THSD7B: variants seen among roughly 807,000 people sequenced by gnomAD.
THSD7B encodes thrombospondin type-1 domain-containing protein 7B.
Under a neutral mutation model 213.6 loss-of-function variants are expected in THSD7B, and 138 were observed. The ratio of observed to expected loss-of-function variants is 0.65; its 90% CI spans 0.56 to 0.74. THSD7B has a LOEUF of 0.74. Among genes scored for constraint, THSD7B ranks in the 30% least tolerant of loss-of-function variants. THSD7B has a pLI of 0.00. For synonymous variants in THSD7B, 742 were observed against 687.0 expected (o/e 1.08, Z -1.25); for missense variants, 1,931 against 1,991.5 (o/e 0.97, Z 0.58).
chr2:137,068,599 C>T (rs944706916), intron 3 of THSD7B, among the ~76,000 whole-genome samples: 4 of 151,980 alleles, frequency 2.6e-5, no homozygotes, highest in Admixed American at 1.3e-4. Context: ...TGACATTTTT[C>T]GTGTGTGTAT....
At chr2:137,229,580 G>A (rs1290342170) in intron 7 of THSD7B, among the ~76,000 whole-genome samples, 3 of 152,136 alleles carry the variant, frequency 2.0e-5, no homozygotes, top group African/African-American at 2.4e-5. Context: ...TCTCCTTCAG[G>A]CAGTCTTGCT....
intron 15 of THSD7B, among the ~76,000 whole-genome samples, chr2:137,535,392 T>A (rs1680485548): frequency 6.6e-6 from 1 of 151,790 alleles, no homozygotes; most frequent in South Asian, 2.1e-4. Flanking sequence ...AGGTAATGAA[T>A]AAATTGGATT....
intron 5 of THSD7B, among the ~76,000 whole-genome samples, chr2:137,159,429 A>G (rs942150066): frequency 6.6e-6 from 1 of 151,056 alleles, no homozygotes; most frequent in African/African-American, 2.4e-5. Context: ...CCCTGTCTCA[A>G]AAAAAAATTA....
intron 2 of THSD7B, among the ~76,000 whole-genome samples, chr2:136,919,647 G>A (rs1241374473): frequency 6.6e-6 from 1 of 152,184 alleles, no homozygotes; most frequent in Non-Finnish European, 1.5e-5. Flanking sequence ...AACCTCTGTG[G>A]CCAGTGGCAC....
chr2:137,115,696 T>C (rs1558926495), intron 5 of THSD7B, among the ~76,000 whole-genome samples: 2 of 152,222 alleles, frequency 1.3e-5, no homozygotes, highest in Non-Finnish European at 2.9e-5. Flanking sequence ...TGCAAACATA[T>C]TCCTTTCAAA....
chr2:137,405,882 C>G, intron 13 of THSD7B, 75 bp downstream of exon 13: 1 of 1,353,542 alleles, frequency 7.4e-7, no homozygotes, highest in Non-Finnish European at 9.9e-7. Context: ...ATATGAGGTC[C>G]AAAGGACAGG....
chr2:137,245,909 G>A (rs182388487), intron 10 of THSD7B, among the ~76,000 whole-genome samples: 3 of 152,308 alleles, frequency 2.0e-5, no homozygotes, highest in East Asian at 3.9e-4. Context: ...ATTAATTGCA[G>A]ATTCTAATTC....
chr2:137,624,082 A>G (rs1169632881), intron 20 of THSD7B, among the ~76,000 whole-genome samples: 3 of 152,238 alleles, frequency 2.0e-5, no homozygotes, highest in East Asian at 1.9e-4. Flanking sequence ...AAACTATACT[A>G]CAAGGCTACA....
At chr2:137,574,850 C>A (rs1292510292) in intron 17 of THSD7B, among the ~76,000 whole-genome samples, 3 of 152,094 alleles carry the variant, frequency 2.0e-5, no homozygotes, top group African/African-American at 7.2e-5. Flanking sequence ...CAAACTAAAT[C>A]ATTGTGCCTG....
chr2:137,460,753 A>T (rs12619413), intron 15 of THSD7B, among the ~76,000 whole-genome samples: 14,367 of 152,128 alleles, frequency 0.094, 1,507 homozygotes, highest in African/African-American at 0.26. Context: ...CATTAGGTAC[A>T]CAACTCTATG....
At chr2:137,035,466 A>G (rs1220404606) in intron 2 of THSD7B, among the ~76,000 whole-genome samples, 2 of 152,158 alleles carry the variant, frequency 1.3e-5, no homozygotes, top group African/African-American at 4.8e-5. Context: ...GAGATATGTC[A>G]TAACATTTTT....
intron 2 of THSD7B, among the ~76,000 whole-genome samples, chr2:136,986,089 T>G (rs1685668249): frequency 6.6e-6 from 1 of 152,196 alleles, no homozygotes; most frequent in African/African-American, 2.4e-5. Context: ...AAATAACTTG[T>G]TTTTGATCTC....
intron 12 of THSD7B, among the ~76,000 whole-genome samples, chr2:137,361,102 C>A (rs1685246699): frequency 6.6e-6 from 1 of 152,136 alleles, no homozygotes; most frequent in Admixed American, 6.5e-5. Context: ...CAGGAGTGGA[C>A]CTCCAGCAAA....
At chr2:136,971,383 T>G (rs1685400225) in intron 2 of THSD7B, among the ~76,000 whole-genome samples, 1 of 152,058 alleles carries the variant, frequency 6.6e-6, no homozygotes, top group South Asian at 2.1e-4. Flanking sequence ...AGGTAGAATA[T>G]TAAATTACAC....
intron 15 of THSD7B, among the ~76,000 whole-genome samples, chr2:137,464,863 G>T (rs1349730111): frequency 2.0e-5 from 3 of 152,016 alleles, no homozygotes. Flanking sequence ...TGATAGCCCA[G>T]TGGTCGATTA....
At chr2:137,026,130 A>T (rs1686550351) in intron 2 of THSD7B, among the ~76,000 whole-genome samples, 2 of 152,188 alleles carry the variant, frequency 1.3e-5, no homozygotes, top group African/African-American at 4.8e-5. Context: ...TAGAACAGGG[A>T]TGGCAGATGT....
chr2:137,360,797 GGCA>G (rs1196156128), intron 12 of THSD7B, among the ~76,000 whole-genome samples: 3 of 152,194 alleles, frequency 2.0e-5, no homozygotes, highest in Non-Finnish European at 4.4e-5. Context: ...CTGAACAAAA[GGCA>G]GCAGAAACTT....
At chr2:137,115,360 A>G in intron 5 of THSD7B, 67 bp downstream of exon 5, 1 of 1,401,506 alleles carries the variant, frequency 7.1e-7, no homozygotes, top group East Asian at 2.7e-5. Context: ...CAACTCTCCA[A>G]GTATTCTTCT....
chr2:137,330,880 G>A (rs569238244), intron 12 of THSD7B, among the ~76,000 whole-genome samples: 7 of 152,292 alleles, frequency 4.6e-5, no homozygotes, highest in East Asian at 1.9e-4. Context: ...TGGTAGAGCC[G>A]AGTGGTCTGT....
Sources: gnomAD v4.1 joint callset for allele counts (sites outside exome capture counted in the v4.1 genomes callset) on GRCh38, gnomAD v4.1.1 for gene constraint, MANE v1.5 for transcripts, NCBI Gene and HGNC (gene_info 2026-07-23, HGNC 2026-07-21) for gene names.